PDE11A: variants seen among roughly 807,000 people sequenced by gnomAD.
The protein encoded by PDE11A is phosphodiesterase 11A, also known as dual 3',5'-cyclic-AMP and -GMP phosphodiesterase 11A.
In PDE11A, 100 loss-of-function variants were observed where a neutral mutation model predicts 100.5. That is an observed-to-expected ratio of 1.00 (90% CI 0.85 to 1.18). The LOEUF is 1.18. Among genes scored for constraint, PDE11A ranks in the 50% most tolerant of loss-of-function variants. The pLI is 0.00. For synonymous variants in PDE11A, 381 were observed against 420.8 expected, an observed-to-expected ratio of 0.91 and a Z score of 1.16; for missense variants, 1,141 against 1,152.6, an observed-to-expected ratio of 0.99 and a Z score of 0.15.
At chr2:177,799,744 G>A (rs13022805) in intron 9 of PDE11A, among the ~76,000 whole-genome samples, 15,080 of 152,176 alleles carry the variant, frequency 0.099, 1,050 homozygotes, top group Non-Finnish European at 0.15. Flanking sequence ...AGTCTCCAGA[G>A]GGCAGTGTTC....
At chr2:178,062,117 T>A (rs1204856509) in intron 1 of PDE11A, among the ~76,000 whole-genome samples, 1 of 152,150 alleles carries the variant, frequency 6.6e-6, no homozygotes, top group Admixed American at 6.5e-5. Flanking sequence ...CAAAAGAGAT[T>A]GGGGAGAGAT....
At chr2:177,757,957 T>A (rs537289698) in intron 10 of PDE11A, among the ~76,000 whole-genome samples, 1 of 152,122 alleles carries the variant, frequency 6.6e-6, no homozygotes, top group South Asian at 2.1e-4. Flanking sequence ...AGGCCCTGGA[T>A]GGAAACATCA....
chr2:177,944,092 T>A (rs556798716), intron 2 of PDE11A, among the ~76,000 whole-genome samples: 25 of 152,344 alleles, frequency 1.6e-4, no homozygotes, highest in African/African-American at 5.8e-4. Flanking sequence ...AGCATGGGAC[T>A]TTCTTTGTCA....
chr2:177,695,538 A>C (rs1325971318), intron 15 of PDE11A, among the ~76,000 whole-genome samples: 1 of 152,152 alleles, frequency 6.6e-6, no homozygotes, highest in African/African-American at 2.4e-5. Context: ...CTAGCTTCTA[A>C]GTGCTTGGCT....
At chr2:178,061,725 T>C (rs2086972014) in intron 1 of PDE11A, among the ~76,000 whole-genome samples, 1 of 152,238 alleles carries the variant, frequency 6.6e-6, no homozygotes, top group Non-Finnish European at 1.5e-5. Flanking sequence ...ATTATTTCCA[T>C]GCGATTCTTC....
rs78476823 is a variant in PDE11A, at chr2:178,101,643, G to A, written c.162+2659C>T. Among the ~76,000 whole-genome samples the A allele has an allele frequency of 9.7e-3, 1,475 of 152,270 alleles. 14 individuals are homozygous for A. Among genetic ancestry groups the A allele is most frequent in the Non-Finnish European group, 0.013 (886 of 68,026 alleles). On this transcript the variant is annotated intron_variant, in intron 2 of 20. Transcript: ENST00000358450. Reference sequence around the variant, plus strand: ...TTCTGAAACTATCTGGAAGTTCACCGCAATTCATCTTATTAACATAAACTC... The same window carrying A: ...TTCTGAAACTATCTGGAAGTTCACCACAATTCATCTTATTAACATAAACTC...
At chr2:178,105,656 C>T (rs2087609359) in intron 1 of PDE11A, 1 of 659,362 alleles carries the variant, frequency 1.5e-6, no homozygotes, top group Non-Finnish European at 2.3e-6. Context: ...AGGAGGTTCT[C>T]CATGGTGGTA....
intron 6 of PDE11A, among the ~76,000 whole-genome samples, chr2:177,822,850 T>C (rs1278573322): frequency 6.6e-6 from 1 of 152,106 alleles, no homozygotes; most frequent in Non-Finnish European, 1.5e-5. Context: ...TTATTGTAAA[T>C]AACAGTAGTA....
At chr2:177,928,901 T>C (rs1400860719) in intron 2 of PDE11A, among the ~76,000 whole-genome samples, 2 of 152,120 alleles carry the variant, frequency 1.3e-5, no homozygotes, top group African/African-American at 4.8e-5. Flanking sequence ...GAATAGTCTA[T>C]ACATAATCTT....
At chr2:177,653,375 T>A (rs2080337215) in intron 19 of PDE11A, among the ~76,000 whole-genome samples, 1 of 152,172 alleles carries the variant, frequency 6.6e-6, no homozygotes, top group African/African-American at 2.4e-5. Context: ...ATTCCTGAGA[T>A]CCCATTTACC....
chr2:177,923,419 G>T lies in PDE11A; in HGVS notation c.1072-18232C>A, dbSNP rs1177908000. On this transcript the variant is annotated intron_variant, in intron 2 of 19. Transcript: ENST00000286063. ...AAAAGAAAGTAAGTACAGGGGTAGGGCTAGCTTCAGTAAGTGATGAATAAG... is the reference window on the plus strand; with the variant it reads ...AAAAGAAAGTAAGTACAGGGGTAGGTCTAGCTTCAGTAAGTGATGAATAAG... 2.6e-5 allele frequency among the ~76,000 whole-genome samples: 4 copies of T among 152,152 alleles called. No individual in the cohort carries two copies. The East Asian group carries it at 7.7e-4, about 29-fold the overall frequency.
chr2:177,948,327 T>G (rs1480519505), intron 2 of PDE11A, among the ~76,000 whole-genome samples: 1 of 152,188 alleles, frequency 6.6e-6, no homozygotes, highest in Non-Finnish European at 1.5e-5. Context: ...AATTTTTGGA[T>G]CAGAGATGAA....
chr2:177,712,052 C>A (rs1455334768), intron 12 of PDE11A, among the ~76,000 whole-genome samples, 174 bp from the exon 13 acceptor site: 2 of 152,222 alleles, frequency 1.3e-5, no homozygotes, highest in African/African-American at 2.4e-5. Context: ...GCCTAAGGTC[C>A]CCACAGTGAT....
intron 1 of PDE11A, among the ~76,000 whole-genome samples, chr2:178,068,037 A>C (rs530761818): frequency 6.6e-6 from 1 of 152,300 alleles, no homozygotes; most frequent in South Asian, 2.1e-4. Context: ...ATTTTTATGA[A>C]TGTTTAAAGT....
intron 2 of PDE11A, among the ~76,000 whole-genome samples, chr2:177,914,426 T>C (rs1426018162): frequency 7.9e-5 from 12 of 152,124 alleles, no homozygotes; most frequent in Non-Finnish European, 4.4e-5. Context: ...TGAAGATCTT[T>C]TACAAAGATA....
intron 4 of PDE11A, among the ~76,000 whole-genome samples, chr2:177,885,363 C>T (rs2084414052): frequency 6.6e-6 from 1 of 152,090 alleles, no homozygotes; most frequent in African/African-American, 2.4e-5. Flanking sequence ...AGAAGGCTGA[C>T]CTTTCATATC....
At chr2:177,639,969 A>G (rs1393554735) in intron 19 of PDE11A, among the ~76,000 whole-genome samples, 4 of 152,206 alleles carry the variant, frequency 2.6e-5, no homozygotes, top group Admixed American at 2.6e-4. Flanking sequence ...CTTTGAGGAA[A>G]TTGTCTGACT....
At chr2:177,676,208 C>A (rs1219663189) in intron 16 of PDE11A, 1 of 157,168 alleles carries the variant, frequency 6.4e-6, no homozygotes, top group Non-Finnish European at 1.4e-5. Flanking sequence ...CATACGGAAC[C>A]ATGGAAACAC....
chr2:178,047,328 T>C (rs1291631619), intron 1 of PDE11A, among the ~76,000 whole-genome samples: 6 of 152,088 alleles, frequency 3.9e-5, no homozygotes, highest in South Asian at 2.1e-4. Context: ...CCAGGTCTGG[T>C]GGCACATACC....
Sources: allele counts gnomAD v4.1 joint callset (sites outside exome capture counted in the v4.1 genomes callset), GRCh38; gene constraint gnomAD v4.1.1; transcripts MANE v1.5; gene names NCBI Gene and HGNC (gene_info 2026-07-23, HGNC 2026-07-21).